BLM: variants seen among roughly 807,000 people sequenced by gnomAD.
BLM encodes the protein recQ-like DNA helicase BLM.
A neutral mutation model predicts 135.3 loss-of-function variants in BLM; 95 were observed. The observed-to-expected ratio is 0.70, with a 90% confidence interval of 0.59 to 0.83. The LOEUF is 0.83. BLM is among the 40% of genes least tolerant of loss of function. BLM has a pLI of 0.00. For missense variants in BLM, 1,518 were observed against 1,663.9 expected, an observed-to-expected ratio of 0.91 and a Z score of 1.53; for synonymous variants, 520 against 589.2, an observed-to-expected ratio of 0.88 and a Z score of 1.70.
intron 14 of BLM, among the ~76,000 whole-genome samples, chr15:90,790,084 G>A (rs1896866243): frequency 7.6e-6 from 1 of 131,058 alleles, no homozygotes. Context: ...TACAAGCTTT[G>A]ACTTTAAATC....
intron 1 of BLM, among the ~76,000 whole-genome samples, chr15:90,737,669 G>A (rs905275397): frequency 6.6e-6 from 1 of 152,118 alleles, no homozygotes; most frequent in African/African-American, 2.4e-5. Flanking sequence ...GGAATACAGT[G>A]AAAGCAGTAC....
chr15:90,719,129 C>A (rs1036930696), intron 1 of BLM, among the ~76,000 whole-genome samples: 1 of 151,966 alleles, frequency 6.6e-6, no homozygotes, highest in African/African-American at 2.4e-5. Context: ...ATAGCTGGGA[C>A]TACAGGCACC....
At chr15:90,786,507 TGTCTCCAC>T (rs1468175625) in intron 14 of BLM, among the ~76,000 whole-genome samples, 2 of 152,254 alleles carry the variant, frequency 1.3e-5, no homozygotes, top group African/African-American at 4.8e-5. Flanking sequence ...GAGGTGCCAG[TGTCTCCAC>T]GTCTTCACCA....
chr15:90,733,272 A>G (rs183366961), intron 1 of BLM, among the ~76,000 whole-genome samples: 9 of 152,342 alleles, frequency 5.9e-5, no homozygotes, highest in Non-Finnish European at 1.0e-4. Flanking sequence ...TTTGAAAACT[A>G]AAATGAAATG....
In BLM at chr15:90,751,771, A is replaced by G; in HGVS notation, c.800-16A>G. The G allele has an allele frequency of 6.2e-7, 1 of 1,601,610 alleles. No individual in the cohort carries two copies. The highest frequency in any genetic ancestry group is 8.6e-7 in the Non-Finnish European group (1 of 1,169,218). The stretch of plus-strand genomic sequence containing the variant: ...AGTGGTTAACAAATCTATGTTTATC[A>G]ACTGTTTTACTGTAGATAATAGCGA... On this transcript the variant is annotated splice_polypyrimidine_tract_variant and intron_variant, in intron 3 of 21. Transcript: ENST00000355112.
chr15:90,764,313 G>T (rs1297429563), intron 8 of BLM, among the ~76,000 whole-genome samples: 1 of 149,272 alleles, frequency 6.7e-6, no homozygotes, highest in Admixed American at 6.7e-5. Context: ...AATATATAGT[G>T]TGTGTGTAAA....
intron 1 of BLM, among the ~76,000 whole-genome samples, chr15:90,730,105 C>T (rs191613029): frequency 2.0e-5 from 3 of 152,240 alleles, no homozygotes; most frequent in Admixed American, 1.3e-4. Context: ...CCACCCACCT[C>T]GGCCTCCCAA....
chr15:90,751,681 ATTGT>A (rs758774799), intron 3 of BLM, 102 bp from the exon 4 acceptor site: 33 of 905,790 alleles, frequency 3.6e-5, no homozygotes, highest in African/African-American at 2.8e-4. Context: ...AAGTGGTGTG[ATTGT>A]TTGTGACTTG....
At position 90,805,633 on chromosome 15, in the gene BLM, A is replaced by T. The variant is rs542029451; in HGVS notation, c.3751+1274A>T. Among the ~76,000 whole-genome samples the T allele has an allele frequency of 4.0e-5, 6 of 151,792 alleles. No homozygotes were observed. The South Asian group carries it at 6.3e-4, about 16-fold the overall frequency. On this transcript the variant is annotated intron_variant, in intron 19 of 21. Transcript: ENST00000355112. ...CAAAACCCGTCTCTACTAAAAATAC[A>T]AAAAATCAGCCAGGTGTGGTGGTGG...
chr15:90,741,999 A>G (rs1188275697), intron 1 of BLM, among the ~76,000 whole-genome samples: 10 of 152,248 alleles, frequency 6.6e-5, no homozygotes, highest in Non-Finnish European at 1.2e-4. Context: ...CATTGATAAT[A>G]CATACTGTGT....
chr15:90,767,446 G>T (rs1896165123), intron 10 of BLM, among the ~76,000 whole-genome samples: 1 of 152,158 alleles, frequency 6.6e-6, no homozygotes, highest in African/African-American at 2.4e-5. Flanking sequence ...ATTCCGTTGT[G>T]CTTCTCTGTA....
intron 1 of BLM, among the ~76,000 whole-genome samples, chr15:90,719,287 C>T (rs540145306): frequency 1.3e-5 from 2 of 152,164 alleles, no homozygotes; most frequent in African/African-American, 2.4e-5. Flanking sequence ...CCGCGCCCGG[C>T]CATGAGTGAG....
intron 15 of BLM, among the ~76,000 whole-genome samples, chr15:90,793,171 T>A (rs1896948155): frequency 6.6e-6 from 1 of 151,670 alleles, no homozygotes; most frequent in South Asian, 2.1e-4. Flanking sequence ...GTTGCGCTTT[T>A]GTCACCCAGG....
chr15:90,738,376 C>G (rs898660100), intron 1 of BLM, among the ~76,000 whole-genome samples: 6 of 152,086 alleles, frequency 3.9e-5, no homozygotes, highest in Non-Finnish European at 8.8e-5. Context: ...GAGTTGGAGA[C>G]CAGCCTAGGC....
At position 90,758,904 on chromosome 15, in the gene BLM, T is replaced by C. The variant is rs3784783; in HGVS notation, c.1088-1243T>C. ...GTCTAATAGGAAATCTTGGTAACAG[T>C]ATATGTTACCATTAAAGGGAAGCCT... is the stretch of plus-strand genomic sequence containing the variant. On this transcript the variant is annotated intron_variant, in intron 5 of 21. Transcript: ENST00000355112. Among the ~76,000 whole-genome samples, 199 of 152,268 alleles carry C rather than the reference T, an allele frequency of 1.3e-3. 3 individuals are homozygous for C. The East Asian group carries it at 0.035, about 27-fold the overall frequency.
At chr15:90,804,116 G>A in intron 18 of BLM, 51 bp from the exon 19 acceptor site, 3 of 1,526,682 alleles carry the variant, frequency 2.0e-6, no homozygotes. Context: ...CCCCTGTATG[G>A]GTACAAGTGC....
intron 17 of BLM, among the ~76,000 whole-genome samples, chr15:90,801,768 C>T (rs978313910): frequency 6.6e-6 from 1 of 152,076 alleles, no homozygotes; most frequent in Admixed American, 6.5e-5. Flanking sequence ...AATTATAAAC[C>T]TTTCTGTCTG....
chr15:90,776,569 A>G (rs1311952998), intron 12 of BLM, among the ~76,000 whole-genome samples: 5 of 152,142 alleles, frequency 3.3e-5, no homozygotes, highest in Non-Finnish European at 5.9e-5. Flanking sequence ...CCAGGATGGA[A>G]TAAGTACAGT....
At chr15:90,802,324 TG>T (rs1366288782) in intron 17 of BLM, among the ~76,000 whole-genome samples, 1 of 152,260 alleles carries the variant, frequency 6.6e-6, no homozygotes, top group East Asian at 1.9e-4. Flanking sequence ...TTTTTATAAA[TG>T]TCACAAGGTC....
Sources: allele counts gnomAD v4.1 joint callset (sites outside exome capture counted in the v4.1 genomes callset), GRCh38; gene constraint gnomAD v4.1.1; transcripts MANE v1.5; gene names NCBI Gene and HGNC (gene_info 2026-07-23, HGNC 2026-07-21).